Variants in B4GALNT3 observed in about 807,000 individuals in gnomAD.
The protein encoded by B4GALNT3 is beta-1,4-N-acetylgalactosaminyltransferase 3.
In B4GALNT3, 86 loss-of-function variants were observed where a neutral mutation model predicts 120.2. That is an observed-to-expected ratio of 0.72 (90% CI 0.60 to 0.86). B4GALNT3 has a LOEUF of 0.86. Ranked by LOEUF, B4GALNT3 falls within the 40% of genes least tolerant of loss-of-function variation. The pLI is 0.00. For synonymous variants in B4GALNT3, 518 were observed against 510.4 expected, an observed-to-expected ratio of 1.01 and a Z score of -0.20; for missense variants, 1,167 against 1,298.9, an observed-to-expected ratio of 0.90 and a Z score of 1.56.
chr12:546,138 C>G (rs1947003135), intron 6 of B4GALNT3, among the ~76,000 whole-genome samples: 1 of 126,902 alleles, frequency 7.9e-6, no homozygotes, highest in Non-Finnish European at 1.7e-5. Flanking sequence ...GGGAAGGAGT[C>G]GGGAAGAGGG....
rs1357718065 is a variant in B4GALNT3 at position 535,298 on chromosome 12, G to A, written c.273+29G>A. On this transcript the variant is annotated intron_variant, in intron 2 of 19. Transcript: ENST00000266383. ...GGTGACCAGCCAGTCCATTGTCCCT[G>A]CTGATGCCTTAACAAAGGTCCGCAG... 3.8e-6 allele frequency: 6 copies of A among 1,595,612 alleles called. No homozygotes were observed. In the Admixed American group the frequency reaches 5.0e-5, roughly 13 times the overall value.
In B4GALNT3 at chr12:563,247, C is replaced by A; in HGVS notation, c.*1796C>A. The A allele has an allele frequency of 6.6e-6, 1 of 152,616 alleles. No homozygotes were observed. The allele number at this position is 152,616 out of a possible 1,614,324, so 9.5% of individuals were successfully genotyped here. A position where few individuals can be genotyped will look rare whatever the true frequency, so the allele number is the denominator to read the frequency against. On this transcript the variant is annotated 3_prime_UTR_variant, in exon 20 of 20. Transcript: ENST00000266383. ...TTCTGGGACCACTCTCGTCCTCGGG[C>A]ATTGCACTGGAAGGCTGGAACCAGC...
chr12:542,548 C>G (rs557749518), intron 3 of B4GALNT3, among the ~76,000 whole-genome samples: 1 of 152,322 alleles, frequency 6.6e-6, no homozygotes, highest in African/African-American at 2.4e-5. Context: ...GACAGAAGCC[C>G]TGGGGGAGGG....
intron 1 of B4GALNT3, among the ~76,000 whole-genome samples, chr12:526,080 TG>T (rs1357405749): frequency 6.6e-6 from 1 of 152,208 alleles, no homozygotes; most frequent in African/African-American, 2.4e-5. Flanking sequence ...GCCCTGCATG[TG>T]GGCATGGGTA....
At chr12:552,594 G>T (rs941777253) in intron 13 of B4GALNT3, 66 bp downstream of exon 13, 11 of 1,521,926 alleles carry the variant, frequency 7.2e-6, no homozygotes, top group Non-Finnish European at 9.9e-6. Flanking sequence ...GTTTCCAGGG[G>T]ATGTTCAGAC....
At chr12:471,375 ACT>A (rs1172418180) in intron 1 of B4GALNT3, among the ~76,000 whole-genome samples, 2 of 140,526 alleles carry the variant, frequency 1.4e-5, no homozygotes, top group Non-Finnish European at 1.5e-5. Context: ...ACAGAGTGAG[ACT>A]CTGTCTCAAT....
intron 1 of B4GALNT3, among the ~76,000 whole-genome samples, chr12:471,720 AAAAT>A (rs10673199): frequency 1.1e-4 from 17 of 148,902 alleles, no homozygotes; most frequent in African/African-American, 2.0e-4. Flanking sequence ...ATAATAATAA[AAAAT>A]AAATAAATAA....
chr12:499,374 G>A (rs1039271390), intron 1 of B4GALNT3, among the ~76,000 whole-genome samples: 26 of 152,200 alleles, frequency 1.7e-4, no homozygotes, highest in South Asian at 8.3e-4. Flanking sequence ...CTAGCCCGTG[G>A]AGCCCGTGCT....
chr12:547,093 AGC>A (rs1947017118), intron 7 of B4GALNT3, among the ~76,000 whole-genome samples: 1 of 151,836 alleles, frequency 6.6e-6, no homozygotes. Flanking sequence ...GCGGGGAGGG[AGC>A]GTAGCGCGGC....
intron 1 of B4GALNT3, among the ~76,000 whole-genome samples, chr12:490,350 C>A (rs1053391226): frequency 6.6e-6 from 1 of 151,980 alleles, no homozygotes; most frequent in African/African-American, 2.4e-5. Context: ...AGCCTCTAAG[C>A]CATGCTAACT....
chr12:552,719 A>G, intron 13 of B4GALNT3, 191 bp downstream of exon 13: 2 of 610,842 alleles, frequency 3.3e-6, no homozygotes, highest in South Asian at 2.2e-5. Context: ...CACATGTGGA[A>G]AATGACACTA....
At chr12:506,879 G>C (rs377243230) in intron 1 of B4GALNT3, among the ~76,000 whole-genome samples, 2 of 152,142 alleles carry the variant, frequency 1.3e-5, no homozygotes, top group African/African-American at 4.8e-5. Context: ...CTCGTGATCC[G>C]CCCGCCTCGG....
intron 1 of B4GALNT3, among the ~76,000 whole-genome samples, chr12:498,121 G>A (rs1322555491): frequency 1.3e-5 from 2 of 152,164 alleles, no homozygotes; most frequent in Non-Finnish European, 2.9e-5. Context: ...TCTTCATGCT[G>A]TCTCCTGGGC....
chr12:493,922 G>A (rs763609632), intron 1 of B4GALNT3, among the ~76,000 whole-genome samples: 2 of 152,214 alleles, frequency 1.3e-5, no homozygotes, highest in African/African-American at 4.8e-5. Context: ...TTCACTCAGC[G>A]TGAGGTTCCC....
rs764313701 is a variant in B4GALNT3 at position 552,454 on chromosome 12, C to G, written c.1209-13C>G. The G allele has an allele frequency of 6.2e-7, 1 of 1,613,420 alleles. No individual in the cohort carries two copies. Among genetic ancestry groups the G allele is most frequent in the Non-Finnish European group, 8.5e-7 (1 of 1,179,544 alleles). On this transcript the variant is annotated splice_polypyrimidine_tract_variant and intron_variant, in intron 12 of 19. Transcript: ENST00000266383. ...GCACCGGGTGCCAATGCACACCTCCCTTCCTCCTGCAGGTTCAGCTTTCAG... is the reference window on the plus strand; with the variant it reads ...GCACCGGGTGCCAATGCACACCTCCGTTCCTCCTGCAGGTTCAGCTTTCAG...
intron 5 of B4GALNT3, 103 bp from the exon 6 acceptor site, chr12:545,266 C>G: frequency 4.7e-6 from 7 of 1,496,340 alleles, no homozygotes; most frequent in Non-Finnish European, 5.4e-6. Context: ...GCCACAGCAT[C>G]AAGCACTGAA....
intron 1 of B4GALNT3, among the ~76,000 whole-genome samples, chr12:482,235 T>C (rs7303579): frequency 0.054 from 8,213 of 152,262 alleles, 713 homozygotes; most frequent in African/African-American, 0.19. Flanking sequence ...ACGTTACCAT[T>C]TGGAGCCTAC....
Position 490,747 on chromosome 12 carries a change from G to A in B4GALNT3, c.169+30202G>A, listed in dbSNP as rs141102095. On this transcript the variant is annotated intron_variant, in intron 1 of 19. Transcript: ENST00000266383. ...TGTCTCAAAAAAAAAAAAAAATTAC[G>A]GACAACTCTACACCCCAAAATTTGA... 2.8e-4 allele frequency among the ~76,000 whole-genome samples: 42 copies of A among 151,286 alleles called. 1 individual carries two copies. Among genetic ancestry groups the A allele is most frequent in the Non-Finnish European group, 2.1e-4 (14 of 67,858 alleles).
rs1947230726 is a variant in B4GALNT3 at position 561,399 on chromosome 12, A to G, written c.2945A>G (p.His982Arg). The G allele has an allele frequency of 6.2e-7, 1 of 1,613,964 alleles. No homozygotes were observed. Among genetic ancestry groups the G allele is most frequent in the Non-Finnish European group, 8.5e-7 (1 of 1,180,010 alleles). The part of the protein sequence containing the change: ...ERLSLRNFFH[H>R]FHSKRGMWSR... ...CTCTCCCTCAGGAATTTCTTCCATC[A>G]TTTCCATTCCAAGCGAGGCATGTGG... The change falls in exon 20 of 20, where the codon CAT (histidine) becomes CGT (arginine). Residue 982 changes from histidine to arginine, a missense_variant. His to Arg is a conservative substitution (Grantham distance 29, BLOSUM62 0). Transcript: ENST00000266383.
Sources: gnomAD v4.1 joint callset for allele counts (sites outside exome capture counted in the v4.1 genomes callset) on GRCh38, gnomAD v4.1.1 for gene constraint, MANE v1.5 for transcripts, NCBI Gene and HGNC (gene_info 2026-07-23, HGNC 2026-07-21) for gene names.